PTPRD: variants seen among roughly 807,000 people sequenced by gnomAD.
PTPRD encodes receptor-type tyrosine-protein phosphatase delta.
Under a neutral mutation model 214.5 loss-of-function variants are expected in PTPRD, and 34 were observed. The ratio of observed to expected loss-of-function variants is 0.16; its 90% CI spans 0.12 to 0.21. The LOEUF (loss-of-function observed/expected upper bound fraction) is 0.21. PTPRD is among the 10% of genes least tolerant of loss of function. The pLI is 1.00. For missense variants in PTPRD, 2,545 were observed against 2,398.7 expected (o/e 1.06, Z -1.27); for synonymous variants, 1,128 against 845.7 (o/e 1.33, Z -5.79).
intron 8 of PTPRD, among the ~76,000 whole-genome samples, chr9:9,562,649 C>T (rs186004780): frequency 1.3e-5 from 2 of 151,494 alleles, no homozygotes; most frequent in East Asian, 3.9e-4. Flanking sequence ...TACAATTAGA[C>T]CCCTCTCCTT....
intron 9 of PTPRD, among the ~76,000 whole-genome samples, chr9:9,183,688 G>A (rs1569559764): frequency 6.6e-6 from 1 of 151,960 alleles, no homozygotes; most frequent in Non-Finnish European, 1.5e-5. Flanking sequence ...GTTTCATTAA[G>A]TCCAGTAAAC....
intron 10 of PTPRD, among the ~76,000 whole-genome samples, chr9:9,064,182 T>A (rs1370140360): frequency 6.6e-6 from 1 of 152,212 alleles, no homozygotes; most frequent in Non-Finnish European, 1.5e-5. Context: ...TTTTACATGT[T>A]TTCTCAGCAT....
chr9:9,776,531 T>C (rs1054715604), intron 5 of PTPRD, among the ~76,000 whole-genome samples: 20 of 152,194 alleles, frequency 1.3e-4, no homozygotes, highest in Non-Finnish European at 2.4e-4. Flanking sequence ...GTTGAATGGA[T>C]ATGTGAAAAA....
chr9:10,597,035 G>A (rs1048319042), intron 2 of PTPRD, among the ~76,000 whole-genome samples: 1 of 150,628 alleles, frequency 6.6e-6, no homozygotes, highest in African/African-American at 2.4e-5. Context: ...GTTATTACAG[G>A]GTCCTATCTA....
intron 12 of PTPRD, among the ~76,000 whole-genome samples, chr9:8,700,388 C>T (rs769438204): frequency 4.6e-5 from 7 of 152,208 alleles, no homozygotes; most frequent in Admixed American, 1.3e-4. Context: ...ACTGCTTTAT[C>T]ATCATGATGT....
At chr9:8,530,904 G>C (rs1160052430) in intron 14 of PTPRD, among the ~76,000 whole-genome samples, 1 of 152,104 alleles carries the variant, frequency 6.6e-6, no homozygotes, top group Non-Finnish European at 1.5e-5. Context: ...CGCTGGGCAG[G>C]ATAGAAAGTT....
chr9:9,292,526 T>A (rs1047591648), intron 9 of PTPRD, among the ~76,000 whole-genome samples: 5 of 151,506 alleles, frequency 3.3e-5, no homozygotes, highest in Admixed American at 2.0e-4. Flanking sequence ...TCTCATATAC[T>A]CCACATCCAT....
intron 9 of PTPRD, among the ~76,000 whole-genome samples, chr9:9,348,068 C>T (rs1228356924): frequency 1.3e-5 from 2 of 152,088 alleles, no homozygotes; most frequent in East Asian, 3.9e-4. Flanking sequence ...TCCAAGTGTG[C>T]ACAATCAAGC....
At chr9:10,513,123 ATTTTGT>A (rs2048852566) in intron 2 of PTPRD, among the ~76,000 whole-genome samples, 1 of 151,208 alleles carries the variant, frequency 6.6e-6, no homozygotes, top group South Asian at 2.1e-4. Flanking sequence ...TGGTACCAGT[ATTTTGT>A]TTTTGTTTTT....
At chr9:10,032,101 G>T (rs1247111935) in intron 4 of PTPRD, among the ~76,000 whole-genome samples, 2 of 152,098 alleles carry the variant, frequency 1.3e-5, no homozygotes, top group East Asian at 3.9e-4. Flanking sequence ...GAGTAGGAAT[G>T]GGAAGATCTC....
intron 11 of PTPRD, among the ~76,000 whole-genome samples, chr9:8,972,968 TC>T (rs1188174703): frequency 1.3e-5 from 2 of 151,388 alleles, no homozygotes; most frequent in Non-Finnish European, 3.0e-5. Flanking sequence ...CTTTCTGCTT[TC>T]ATTTGCAGGC....
At chr9:10,504,790 C>T (rs1470074994) in intron 2 of PTPRD, among the ~76,000 whole-genome samples, 1 of 152,152 alleles carries the variant, frequency 6.6e-6, no homozygotes, top group African/African-American at 2.4e-5. Context: ...TAATTCATGT[C>T]CTTTTTCAAT....
At chr9:9,080,749 T>C (rs2099757796) in intron 10 of PTPRD, among the ~76,000 whole-genome samples, 1 of 152,136 alleles carries the variant, frequency 6.6e-6, no homozygotes, top group Admixed American at 6.6e-5. Flanking sequence ...TTCAGGAATT[T>C]ATCCATTTTT....
Position 8,449,722 on chromosome 9 carries a change from T to C in PTPRD, c.3988+3A>G. 1 of 1,613,356 alleles carries C rather than the reference T, an allele frequency of 6.2e-7. No homozygotes were observed. The highest frequency in any genetic ancestry group is 8.5e-7 in the Non-Finnish European group (1 of 1,179,338). On this transcript the variant is annotated splice_donor_region_variant and intron_variant, in intron 34 of 45. Transcript: ENST00000381196. Reference sequence around the variant, plus strand: ...TGTGGATTAGATGTGTGATGCTTCTTACCCGGTGTTTGAAAGTTAAGGCGC... The same window carrying C: ...TGTGGATTAGATGTGTGATGCTTCTCACCCGGTGTTTGAAAGTTAAGGCGC...
At chr9:8,878,810 A>G (rs989141827) in intron 11 of PTPRD, among the ~76,000 whole-genome samples, 4 of 152,206 alleles carry the variant, frequency 2.6e-5, no homozygotes, top group African/African-American at 9.6e-5. Flanking sequence ...AAGGGATTAC[A>G]GCATAAGTTA....
At chr9:9,863,721 A>G (rs1207556850) in intron 5 of PTPRD, among the ~76,000 whole-genome samples, 2 of 152,154 alleles carry the variant, frequency 1.3e-5, no homozygotes, top group Non-Finnish European at 2.9e-5. Flanking sequence ...ATGAAAAGAG[A>G]CATAAGACAG....
chr9:9,440,563 T>A (rs149502343), intron 8 of PTPRD, among the ~76,000 whole-genome samples: 18 of 152,314 alleles, frequency 1.2e-4, no homozygotes, highest in African/African-American at 4.1e-4. Context: ...TTGTCACCGA[T>A]AACTTCAGAT....
chr9:9,451,721 G>A (rs180965991), intron 8 of PTPRD, among the ~76,000 whole-genome samples: 1 of 151,584 alleles, frequency 6.6e-6, no homozygotes, highest in Non-Finnish European at 1.5e-5. Flanking sequence ...TGAGCAAGGA[G>A]TTAGAAAGCA....
chr9:9,225,438 G>A (rs2099958814), intron 9 of PTPRD, among the ~76,000 whole-genome samples: 2 of 151,948 alleles, frequency 1.3e-5, no homozygotes, highest in South Asian at 4.1e-4. Context: ...AGATGAACAT[G>A]ATTGATGAAA....
Sources: allele counts gnomAD v4.1 joint callset (sites outside exome capture counted in the v4.1 genomes callset), GRCh38; gene constraint gnomAD v4.1.1; transcripts MANE v1.5; gene names NCBI Gene and HGNC (gene_info 2026-07-23, HGNC 2026-07-21).